EXOSC7: variants seen among roughly 807,000 people sequenced by gnomAD.
EXOSC7 encodes exosome complex component RRP42.
A neutral mutation model predicts 34.3 loss-of-function variants in EXOSC7; 25 were observed. The observed-to-expected ratio is 0.73, with a 90% CI of 0.53 to 1.02. The LOEUF (loss-of-function observed/expected upper bound fraction) is 1.02, where lower values mean the gene tolerates loss of function less well. Ranked by LOEUF, EXOSC7 falls within the 50% of genes least tolerant of loss-of-function variation. EXOSC7 has a pLI of 0.00. For synonymous variants in EXOSC7, 130 were observed against 143.0 expected, an observed-to-expected ratio of 0.91 and a Z score of 0.65; for missense variants, 370 against 368.5, an observed-to-expected ratio of 1.00 and a Z score of -0.03.
intron 3 of EXOSC7, among the ~76,000 whole-genome samples, chr3:44,991,771 T>C (rs967768723): frequency 2.6e-5 from 4 of 152,196 alleles, no homozygotes; most frequent in African/African-American, 9.7e-5. Context: ...TTAGAGTGGC[T>C]GCCTGCTGGT....
intron 3 of EXOSC7, among the ~76,000 whole-genome samples, chr3:44,991,063 C>G (rs1706557950): frequency 6.6e-6 from 1 of 152,162 alleles, no homozygotes. Flanking sequence ...AGTGACTACC[C>G]CAGGGTTACA....
At chr3:44,996,098 G>C (rs565359193) in intron 3 of EXOSC7, among the ~76,000 whole-genome samples, 10 of 152,302 alleles carry the variant, frequency 6.6e-5, no homozygotes, top group African/African-American at 2.4e-4. Flanking sequence ...ACCTCACTTA[G>C]TCTCTAGGTC....
At chr3:44,984,836 A>C (rs935537485) in intron 1 of EXOSC7, among the ~76,000 whole-genome samples, 2 of 152,242 alleles carry the variant, frequency 1.3e-5, no homozygotes, top group Non-Finnish European at 2.9e-5. Flanking sequence ...ATTTATTGCA[A>C]ATAATTACAG....
At chr3:44,996,401 A>G (rs753995589) in intron 3 of EXOSC7, among the ~76,000 whole-genome samples, 20 of 152,216 alleles carry the variant, frequency 1.3e-4, no homozygotes, top group Admixed American at 3.3e-4. Context: ...AAATATCAAG[A>G]AGCCAAAAAG....
intron 1 of EXOSC7, among the ~76,000 whole-genome samples, chr3:44,977,871 A>G (rs1245776486): frequency 6.6e-6 from 1 of 152,212 alleles, no homozygotes; most frequent in Non-Finnish European, 1.5e-5. Context: ...TGAGGCATGG[A>G]TATATCTGTA....
intron 5 of EXOSC7, chr3:45,001,980 A>G (rs977230066): frequency 1.4e-5 from 3 of 218,604 alleles, no homozygotes; most frequent in South Asian, 7.3e-5. Flanking sequence ...GTACTTGCCT[A>G]TATTCCTAGC....
downstream of EXOSC7, among the ~76,000 whole-genome samples, chr3:45,011,964 C>T (rs926329587): frequency 6.6e-6 from 1 of 152,222 alleles, no homozygotes; most frequent in African/African-American, 2.4e-5. Flanking sequence ...TTTATAACCA[C>T]TCCCTGGTGT....
intron 6 of EXOSC7, among the ~76,000 whole-genome samples, 195 bp from the exon 7 acceptor site, chr3:45,007,225 C>T (rs891158790): frequency 5.9e-5 from 9 of 152,276 alleles, no homozygotes; most frequent in Admixed American, 1.3e-4. Context: ...TTTATTGTAC[C>T]ACCCACACAG....
intron 4 of EXOSC7, 24 bp from the exon 5 acceptor site, chr3:45,001,514 T>C: frequency 6.3e-7 from 1 of 1,593,120 alleles, no homozygotes; most frequent in Non-Finnish European, 8.6e-7. Flanking sequence ...TTTTTTTTCC[T>C]TTTTCAATTC....
intron 7 of EXOSC7, among the ~76,000 whole-genome samples, chr3:45,009,392 A>T (rs1424073018): frequency 6.6e-6 from 1 of 152,208 alleles, no homozygotes; most frequent in Non-Finnish European, 1.5e-5. Context: ...ATCTGGATTC[A>T]GAGGCGTCAA....
intron 1 of EXOSC7, among the ~76,000 whole-genome samples, chr3:44,979,748 A>C (rs1455419089): frequency 1.3e-5 from 2 of 152,208 alleles, no homozygotes; most frequent in Non-Finnish European, 2.9e-5. Flanking sequence ...AAGAGAAAGA[A>C]ACTCTAGTTC....
chr3:45,000,250 G>A (rs1029707305), intron 4 of EXOSC7, among the ~76,000 whole-genome samples: 21 of 152,168 alleles, frequency 1.4e-4, no homozygotes, highest in African/African-American at 5.1e-4. Context: ...CTTTTGATGG[G>A]TTCTTTCACA....
intron 1 of EXOSC7, among the ~76,000 whole-genome samples, chr3:44,986,382 C>T (rs372367779): frequency 7.4e-4 from 112 of 152,344 alleles, no homozygotes; most frequent in African/African-American, 2.4e-3. Flanking sequence ...GTATGGGGCC[C>T]GCCTAGCCCA....
intron 7 of EXOSC7, among the ~76,000 whole-genome samples, chr3:45,009,424 C>CT (rs1173378806): frequency 5.9e-5 from 9 of 152,202 alleles, no homozygotes; most frequent in Non-Finnish European, 1.2e-4. Context: ...GTCCTGGCAT[C>CT]CTGTCCATCT....
intron 7 of EXOSC7, among the ~76,000 whole-genome samples, chr3:45,009,509 C>CTT (rs35215633): frequency 7.9e-5 from 12 of 151,532 alleles, no homozygotes; most frequent in Non-Finnish European, 1.6e-4. Context: ...CAGATTCAGA[C>CTT]TTTTTTTTCT....
At chr3:45,007,335 G>A in intron 6 of EXOSC7, 85 bp from the exon 7 acceptor site, 1 of 1,459,298 alleles carries the variant, frequency 6.9e-7, no homozygotes, top group Non-Finnish European at 9.4e-7. Context: ...TTTGCCTGGT[G>A]TAGAGATTCC....
chr3:45,010,435 TG>T (rs1209743077), intron 7 of EXOSC7, among the ~76,000 whole-genome samples: 1 of 152,020 alleles, frequency 6.6e-6, no homozygotes, highest in Non-Finnish European at 1.5e-5. Flanking sequence ...TTTGTAGAGA[TG>T]GGGTTTCACT....
At chr3:44,998,815 T>G (rs552994995) in intron 4 of EXOSC7, among the ~76,000 whole-genome samples, 2 of 152,340 alleles carry the variant, frequency 1.3e-5, no homozygotes, top group African/African-American at 4.8e-5. Flanking sequence ...TCCTACTAAG[T>G]TGGCAATTTT....
intron 5 of EXOSC7, among the ~76,000 whole-genome samples, chr3:45,003,262 G>C (rs1706931230): frequency 6.6e-6 from 1 of 152,190 alleles, no homozygotes; most frequent in African/African-American, 2.4e-5. Context: ...GGCCACCTGA[G>C]GGTATTCTTT....
Sources: gnomAD v4.1 joint callset for allele counts (sites outside exome capture counted in the v4.1 genomes callset) on GRCh38, gnomAD v4.1.1 for gene constraint, MANE v1.5 for transcripts, NCBI Gene and HGNC (gene_info 2026-07-23, HGNC 2026-07-21) for gene names.